Variants in STARD9 observed in about 807,000 individuals in gnomAD.
STARD9 encodes the protein StAR related lipid transfer domain containing 9, also known as stAR-related lipid transfer protein 9.
STARD9 carries 346 observed loss-of-function variants against 399.8 expected under a neutral mutation model. The ratio of observed to expected loss-of-function variants is 0.87; its 90% CI spans 0.79 to 0.95. STARD9 has a LOEUF of 0.95. Among genes scored for constraint, STARD9 ranks in the 40% least tolerant of loss-of-function variants. The pLI is 0.00. For synonymous variants in STARD9, 2,203 were observed against 2,143.5 expected (o/e 1.03, Z -0.77); for missense variants, 5,832 against 5,667.5 (o/e 1.03, Z -0.93).
At chr15:42,709,265 A>G (rs1046553838) in intron 26 of STARD9, among the ~76,000 whole-genome samples, 12 of 152,172 alleles carry the variant, frequency 7.9e-5, no homozygotes, top group Non-Finnish European at 1.3e-4. Context: ...TTGGTGGTGC[A>G]TGCCTGTGGT....
intron 3 of STARD9, among the ~76,000 whole-genome samples, chr15:42,620,301 C>T (rs1422875282): frequency 2.0e-5 from 3 of 149,932 alleles, no homozygotes; most frequent in Admixed American, 1.3e-4. Context: ...TTTTTTTTTC[C>T]GAGACTATGT....
rs937867849 is a variant in STARD9 at position 42,681,459 on chromosome 15, A to T, written c.1912A>T (p.Thr638Ser). ...AGAGCAATGTGACGAGGACCATCAG[A>T]CACCGAGGGATGGAGAGACATCCCA... ...LEEQCDEDHQ[T>S]PRDGETSHRA... Residue 638 changes from threonine (T) to serine (S), a missense_variant, in exon 21 of 33, where the codon ACA becomes TCA. Physicochemically the swap from Thr to Ser is moderately conservative, Grantham distance 58. Transcript: ENST00000290607. 12 of 1,537,060 alleles carry T rather than the reference A, an allele frequency of 7.8e-6. No homozygotes were observed. The Admixed American group carries it at 2.0e-4, about 25-fold the overall frequency.
chr15:42,673,915 C>A, intron 16 of STARD9: 1 of 456,444 alleles, frequency 2.2e-6, no homozygotes, highest in Admixed American at 2.3e-5. Flanking sequence ...TGTGCTTTTA[C>A]CCTTCTTAGA....
At chr15:42,709,030 G>A (rs2061151774) in intron 26 of STARD9, among the ~76,000 whole-genome samples, 2 of 152,122 alleles carry the variant, frequency 1.3e-5, no homozygotes, top group Admixed American at 1.3e-4. Flanking sequence ...CCTGTTTCTG[G>A]TGATGTGAAC....
At chr15:42,651,142 C>A in intron 8 of STARD9, 57 bp downstream of exon 8, 1 of 1,280,102 alleles carries the variant, frequency 7.8e-7, no homozygotes, top group South Asian at 1.3e-5. Context: ...ATCCTGTGTT[C>A]CCATTTCCCT....
chr15:42,664,824 A>ACC (rs1250839683), intron 13 of STARD9, among the ~76,000 whole-genome samples: 6 of 144,686 alleles, frequency 4.1e-5, no homozygotes, highest in Admixed American at 2.0e-4. Flanking sequence ...ACACACACAC[A>ACC]CCCCATACGT....
chr15:42,657,028 A>G (rs1323172955), intron 9 of STARD9, among the ~76,000 whole-genome samples: 3 of 152,124 alleles, frequency 2.0e-5, no homozygotes, highest in Non-Finnish European at 4.4e-5. Flanking sequence ...AGTAAGCATA[A>G]GAGAGCTGGA....
chr15:42,717,632 A>C (rs1424446324), intron 28 of STARD9, 99 bp from the exon 29 acceptor site: 7 of 1,097,402 alleles, frequency 6.4e-6, no homozygotes, highest in Admixed American at 6.0e-5. Context: ...CTCAAAAAAA[A>C]AGAAAAGGGG....
chr15:42,635,041 G>T, intron 4 of STARD9, 69 bp downstream of exon 4: 1 of 745,636 alleles, frequency 1.3e-6, no homozygotes. Flanking sequence ...CCTTACTACT[G>T]TGAGACAGAA....
chr15:42,693,014 T>A lies in STARD9; in HGVS notation c.11436T>A (p.Pro3812=). 1 of 1,537,152 alleles carries A rather than the reference T, an allele frequency of 6.5e-7. No individual in the cohort carries two copies. Among genetic ancestry groups the A allele is most frequent in the Non-Finnish European group, 8.7e-7 (1 of 1,146,896 alleles). Residue 3812 remains proline (P), a synonymous_variant, in exon 23 of 33, where the codon CCT becomes CCA. Coordinates refer to ENST00000290607, the MANE Select transcript of STARD9 (RefSeq NM_020759.3). ...EESTPYKPQS[P]SIPSSHLRFQ... is the part of the protein sequence containing the mutation. ...GCACTCCCTACAAGCCCCAGAGCCCTTCAATACCCTCATCCCACTTGAGGT... is the reference window on the plus strand; with the variant it reads ...GCACTCCCTACAAGCCCCAGAGCCCATCAATACCCTCATCCCACTTGAGGT...
chr15:42,627,573 A>G (rs2059251081), intron 3 of STARD9, among the ~76,000 whole-genome samples: 1 of 152,164 alleles, frequency 6.6e-6, no homozygotes, highest in Non-Finnish European at 1.5e-5. Flanking sequence ...TGTACCCATT[A>G]ACCATCCCCC....
chr15:42,696,702 C>G lies in STARD9; in HGVS notation c.13284+822C>G, dbSNP rs900993790. 8.5e-5 allele frequency among the ~76,000 whole-genome samples: 13 copies of G among 152,068 alleles called. No homozygotes were observed. In the East Asian group the frequency reaches 1.3e-3, roughly 16 times the overall value. ...TGCTTCAGGGCACTGCTAGTGAAGA[C>G]GAACAGAGGAGGATGTAATGGAGAG... is the stretch of plus-strand genomic sequence containing the variant. On this transcript the variant is annotated intron_variant, in intron 26 of 32. Coordinates refer to ENST00000290607, the MANE Select transcript of STARD9 (RefSeq NM_020759.3).
chr15:42,674,338 T>A (rs933554660), intron 16 of STARD9, 102 bp from the exon 17 acceptor site: 1 of 951,396 alleles, frequency 1.1e-6, no homozygotes. Flanking sequence ...GTGGTACAGA[T>A]GAGGCTGGGA....
At chr15:42,638,951 G>C (rs2059478892) in intron 7 of STARD9, 139 bp downstream of exon 7, 1 of 452,344 alleles carries the variant, frequency 2.2e-6, no homozygotes. Flanking sequence ...AATATGTATT[G>C]ATAAATAGAG....
At chr15:42,657,734 C>T (rs1235891021) in intron 9 of STARD9, among the ~76,000 whole-genome samples, 2 of 152,126 alleles carry the variant, frequency 1.3e-5, no homozygotes, top group Non-Finnish European at 2.9e-5. Context: ...CCCTATGCTT[C>T]CTGAAGCTAA....
chr15:42,694,114 C>T lies in STARD9; in HGVS notation c.12536C>T (p.Pro4179Leu), dbSNP rs1427247173. Residue 4179 changes from proline (P) to leucine (L), a missense_variant, in exon 23 of 33, where the codon CCA becomes CTA. Transcript: ENST00000290607. Reference sequence around the variant, plus strand: ...TCTGAAAAGCAGGAACAGAGTCCCCCACAACCTCCTAATGACCACAGCCAG... The same window carrying T: ...TCTGAAAAGCAGGAACAGAGTCCCCTACAACCTCCTAATGACCACAGCCAG... ...LSSEKQEQSP[P>L]QPPNDHSQDS... 1 of 1,537,036 alleles carries T rather than the reference C, an allele frequency of 6.5e-7. No homozygotes were observed. The highest frequency in any genetic ancestry group is 1.2e-5 in the South Asian group (1 of 84,006).
chr15:42,635,986 T>G (rs1293487943), intron 4 of STARD9, among the ~76,000 whole-genome samples: 1 of 152,088 alleles, frequency 6.6e-6, no homozygotes, highest in Non-Finnish European at 1.5e-5. Context: ...ACCTTTTTGT[T>G]TTGGGTTTAG....
In STARD9 at chr15:42,692,513, C is replaced by T. The variant is rs765535908; in HGVS notation, c.10935C>T (p.Leu3645=). 2.2e-5 allele frequency: 34 copies of T among 1,537,020 alleles called. 2 individuals are homozygous for T. The South Asian group carries it at 3.0e-4, about 13-fold the overall frequency. Residue 3645 remains leucine, a synonymous_variant, in exon 23 of 33, where the codon CTC becomes CTT. Transcript: ENST00000290607. The part of the protein sequence containing the change: ...TNTFEQGTQT[L]GSRRHWSSTD... ...CATTCGAACAGGGCACACAGACCCT[C>T]GGCAGCAGGCGCCACTGGAGCAGCA...
intron 1 of STARD9, among the ~76,000 whole-genome samples, chr15:42,582,246 A>C (rs2141656657): frequency 1.3e-5 from 2 of 152,358 alleles, no homozygotes; most frequent in Middle Eastern, 3.4e-3. Flanking sequence ...AAGGATAAAA[A>C]ATAAGACTGA....
Sources: allele counts gnomAD v4.1 joint callset (sites outside exome capture counted in the v4.1 genomes callset), GRCh38; gene constraint gnomAD v4.1.1; transcripts MANE v1.5; gene names NCBI Gene and HGNC (gene_info 2026-07-23, HGNC 2026-07-21).